Variants in TF observed in about 807,000 individuals in gnomAD.
TF encodes transferrin.
TF carries 55 observed loss-of-function variants against 82.4 expected under a neutral mutation model. The observed-to-expected ratio is 0.67, with a 90% CI of 0.54 to 0.84. The LOEUF (loss-of-function observed/expected upper bound fraction) is 0.84. TF is among the 40% of genes least tolerant of loss of function. The pLI, the probability that TF is intolerant of heterozygous loss-of-function variation, is 0.00. For missense variants in TF, 737 were observed against 868.4 expected (o/e 0.85, Z 1.90); for synonymous variants, 332 against 332.6 (o/e 1.00, Z 0.02).
At chr3:133,748,705 T>G (rs1458634545) in intron 2 of TF, 121 bp downstream of exon 2, 12 of 1,290,350 alleles carry the variant, frequency 9.3e-6, no homozygotes, top group Non-Finnish European at 1.2e-5. Context: ...CAACCTTGAC[T>G]TACTAAAATC....
At chr3:133,677,360 C>T in the TF span, among the ~76,000 whole-genome samples, 3 of 152,172 alleles carry the variant, frequency 2.0e-5, no homozygotes, top group Admixed American at 6.5e-5. Flanking sequence ...ATTTATTGGC[C>T]GGGCACGGTG....
the TF span, among the ~76,000 whole-genome samples, chr3:133,722,892 A>G: frequency 6.6e-6 from 1 of 152,202 alleles, no homozygotes; most frequent in Non-Finnish European, 1.5e-5. Context: ...TGTGTTTTTA[A>G]TGACAGTAAT....
At chr3:133,699,069 A>G in the TF span, among the ~76,000 whole-genome samples, 4 of 152,252 alleles carry the variant, frequency 2.6e-5, no homozygotes, top group Non-Finnish European at 5.9e-5. Context: ...GAATGAGATA[A>G]TCATATTACT....
chr3:133,755,590 T>C, intron 5 of TF, 95 bp downstream of exon 5: 1 of 1,558,998 alleles, frequency 6.4e-7, no homozygotes, highest in South Asian at 1.1e-5. Context: ...CCTGCCTGCC[T>C]ACAGGGGCAT....
chr3:133,746,019 GC>G, upstream of TF: 1 of 298,418 alleles, frequency 3.4e-6, no homozygotes, highest in Non-Finnish European at 6.5e-6. Context: ...TCCCTCTCCA[GC>G]CTCGGAGTCT....
At chr3:133,740,189 T>A in the TF span, among the ~76,000 whole-genome samples, 6 of 152,144 alleles carry the variant, frequency 3.9e-5, no homozygotes, top group Non-Finnish European at 8.8e-5. Context: ...TGCAGGGGTG[T>A]GGATGAAGGT....
In TF at chr3:133,777,063, C is replaced by A. The variant is rs764573129; in HGVS notation, c.1887C>A (p.Ser629Arg). The change falls in exon 16 of 17, where the codon AGC becomes AGA. Residue 629 changes from serine (S) to arginine (R), a missense_variant. Coordinates refer to ENST00000402696, the MANE Select transcript of TF (RefSeq NM_001063.4). ...ILRQQQHLFG[S>R]NVTDCSGNFC... ...TCACTTGACAGCACCTATTTGGAAG[C>A]AACGTAACTGACTGCTCGGGCAACT... The A allele has an allele frequency of 6.2e-7, 1 of 1,614,182 alleles. No homozygotes were observed. Among genetic ancestry groups the A allele is most frequent in the Non-Finnish European group, 8.5e-7 (1 of 1,180,012 alleles).
the TF span, among the ~76,000 whole-genome samples, chr3:133,719,429 G>T: frequency 2.6e-5 from 4 of 152,264 alleles, no homozygotes; most frequent in African/African-American, 9.6e-5. Flanking sequence ...GATTGTGTGG[G>T]CATTGCAGGT....
At chr3:133,687,387 C>T in the TF span, among the ~76,000 whole-genome samples, 4,667 of 151,974 alleles carry the variant, frequency 0.031, 123 homozygotes, top group African/African-American at 0.074. Context: ...GCCCTACCTA[C>T]GAGGGTAGGA....
At position 133,786,227 on chromosome 3, in the gene TF, A is replaced by T. The variant is rs1178378759; in HGVS notation, c.*7607A>T. 5.2e-5 allele frequency: 4 copies of T among 76,938 alleles called. 1 individual carries two copies. Among genetic ancestry groups the T allele is most frequent in the African/African-American group, 7.0e-5 (2 of 28,656 alleles). 4.8% of individuals were successfully genotyped at this position (76,938 alleles called of 1,614,324 possible). On this transcript the variant is annotated 3_prime_UTR_variant, in exon 17 of 17. Coordinates refer to ENST00000402696, the MANE Select transcript of TF (RefSeq NM_001063.4). Reference sequence around the variant, plus strand: ...TTATCAATAAAAAAATAAATTAAAAAAAAAAAAAAAAAACAATACTATTTT... The same window carrying T: ...TTATCAATAAAAAAATAAATTAAAATAAAAAAAAAAAAACAATACTATTTT...
At position 133,793,817 on chromosome 3, in the gene TF, C is replaced by T. The variant is rs1361123615; in HGVS notation, c.*15197C>T. 6.6e-6 allele frequency: 1 copy of T among 152,138 alleles called. No homozygotes were observed. Among genetic ancestry groups the T allele is most frequent in the Non-Finnish European group, 1.5e-5 (1 of 68,022 alleles). 9.4% of individuals were successfully genotyped at this position (152,138 alleles called of 1,614,324 possible). ...AAAGATTGGAAAGGACCCTAAAAAG[C>T]ACTCTTGAATACAGGTTTCTAATAA... On this transcript the variant is annotated 3_prime_UTR_variant, in exon 17 of 17. Coordinates refer to ENST00000402696, the MANE Select transcript of TF (RefSeq NM_001063.4).
the TF span, chr3:133,704,363 C>A: frequency 4.6e-6 from 1 of 218,578 alleles, no homozygotes; most frequent in South Asian, 8.1e-5. Flanking sequence ...CACAGTTCCC[C>A]TGGGCTGTGG....
intron 7 of TF, 38 bp from the exon 8 acceptor site, chr3:133,757,731 C>T (rs1175217231): frequency 6.3e-7 from 1 of 1,582,474 alleles, no homozygotes. Flanking sequence ...CTCCTTTCTT[C>T]TGTGTTGCCA....
In TF at chr3:133,792,634, C is replaced by CT; in HGVS notation, c.*14015dup. The CT allele has an allele frequency of 6.6e-6, 1 of 152,134 alleles. No homozygotes were observed. Among genetic ancestry groups the CT allele is most frequent in the Admixed American group, 6.5e-5 (1 of 15,274 alleles). The allele number at this position is 152,134 out of a possible 1,614,324, so 9.4% of individuals were successfully genotyped here. A position where few individuals can be genotyped will look rare whatever the true frequency, so the allele number is the denominator to read the frequency against. ...ACATTGTAACATGTAAGTGAGACTA[C>CT]TGAAGCAACAGTTTTACATGCAAGT... On this transcript the variant is annotated 3_prime_UTR_variant, in exon 17 of 17. Transcript: ENST00000402696.
chr3:133,795,076 G>A lies in TF; in HGVS notation c.*16456G>A, dbSNP rs1163287189. The A allele has an allele frequency of 6.6e-6, 1 of 152,212 alleles. No individual in the cohort carries two copies. The highest frequency in any genetic ancestry group is 1.5e-5 in the Non-Finnish European group (1 of 68,042). The allele number at this position is 152,212 out of a possible 1,614,324, so 9.4% of individuals were successfully genotyped here. On this transcript the variant is annotated 3_prime_UTR_variant, in exon 17 of 17. Transcript: ENST00000402696. ...TAAGAAAGTTATGCTAAATAATAGA[G>A]TTGGCTAAACAGAAGAGTATCTGTG...
intron 15 of TF, 29 bp from the exon 16 acceptor site, chr3:133,777,020 T>C (rs770899237): frequency 6.2e-7 from 1 of 1,609,374 alleles, no homozygotes; most frequent in Non-Finnish European, 8.5e-7. Flanking sequence ...GACCACAAGG[T>C]CCTCACGGAC....
At chr3:133,771,776 G>A (rs1275205101) in intron 14 of TF, among the ~76,000 whole-genome samples, 1 of 145,830 alleles carries the variant, frequency 6.9e-6, no homozygotes, top group African/African-American at 2.6e-5. Flanking sequence ...AGAATCAATG[G>A]GTGTTAACTT....
the TF span, among the ~76,000 whole-genome samples, chr3:133,685,700 G>A: frequency 0.036 from 5,501 of 152,100 alleles, 371 homozygotes; most frequent in African/African-American, 0.12. Context: ...AAATAAAAGA[G>A]GACACAAACA....
intron 14 of TF, chr3:133,775,095 T>G: frequency 2.6e-6 from 1 of 380,400 alleles, no homozygotes; most frequent in Non-Finnish European, 5.0e-6. Context: ...AGCGTCACAT[T>G]CTTCCTCTGT....
Sources: allele counts gnomAD v4.1 joint callset (sites outside exome capture counted in the v4.1 genomes callset), GRCh38; gene constraint gnomAD v4.1.1; transcripts MANE v1.5; gene names NCBI Gene and HGNC (gene_info 2026-07-23, HGNC 2026-07-21).